The following DCDC1 variants were observed in gnomAD, a reference collection of about 807,000 sequenced individuals.
DCDC1 encodes the protein doublecortin domain-containing protein 1.
In DCDC1, 200 loss-of-function variants were observed where a neutral mutation model predicts 178.3. The observed-to-expected ratio is 1.12, with a 90% confidence interval of 1.00 to 1.26. The LOEUF (loss-of-function observed/expected upper bound fraction) is 1.26. Among genes scored for constraint, DCDC1 ranks in the 50% most tolerant of loss-of-function variants. The pLI, the probability that DCDC1 is intolerant of heterozygous loss-of-function variation, is 0.00. For missense variants in DCDC1, 1,983 were observed against 1,749.2 expected, an observed-to-expected ratio of 1.13 and a Z score of -2.38; for synonymous variants, 690 against 604.8, an observed-to-expected ratio of 1.14 and a Z score of -2.07.
chr11:31,258,243 T>A lies in DCDC1; in HGVS notation c.1054+7264A>T, dbSNP rs189982858. On this transcript the variant is annotated intron_variant, in intron 8 of 38. Transcript: ENST00000684477. ...GTTAGATGTTAGACTGTGGGAGAAA[T>A]ACATCCTGGGTAGGATTATTTAATT... 1.0e-3 allele frequency among the ~76,000 whole-genome samples: 155 copies of A among 152,236 alleles called. 2 individuals carry two copies. The East Asian group carries it at 0.024, about 24-fold the overall frequency.
chr11:30,866,072 CT>C (rs1940950557), intron 38 of DCDC1, among the ~76,000 whole-genome samples: 1 of 152,110 alleles, frequency 6.6e-6, no homozygotes, highest in Non-Finnish European at 1.5e-5. Flanking sequence ...GGGTGGGCCC[CT>C]AATCCAGTAT....
At chr11:31,295,645 G>A (rs1038107404) in intron 6 of DCDC1, among the ~76,000 whole-genome samples, 11 of 152,088 alleles carry the variant, frequency 7.2e-5, no homozygotes, top group Non-Finnish European at 1.5e-4. Flanking sequence ...TCAGACTGGG[G>A]GTAGATTTCC....
At chr11:31,102,539 G>T (rs1386967160) in intron 14 of DCDC1, among the ~76,000 whole-genome samples, 1 of 152,088 alleles carries the variant, frequency 6.6e-6, no homozygotes, top group Non-Finnish European at 1.5e-5. Context: ...GATCTCATCA[G>T]ACTGCTTTTG....
intron 20 of DCDC1, among the ~76,000 whole-genome samples, chr11:30,982,720 A>T (rs551938054): frequency 6.6e-5 from 10 of 151,666 alleles, no homozygotes; most frequent in Non-Finnish European, 1.2e-4. Flanking sequence ...GCTGCTGTGT[A>T]TTTATTTTTC....
In DCDC1 at chr11:31,077,922, A is replaced by C; in HGVS notation, c.2241T>G (p.His747Gln). 2.6e-6 allele frequency: 2 copies of C among 766,106 alleles called. No homozygotes were observed. The highest frequency in any genetic ancestry group is 4.8e-6 in the Non-Finnish European group (2 of 417,702). The allele number at this position is 766,106 out of a possible 1,614,324, so 47.5% of individuals were successfully genotyped here. Reference protein sequence around the residue: ...EGYKLILQKRHSGDDSQKWVF... With the variant: ...EGYKLILQKRQSGDDSQKWVF... The stretch of plus-strand genomic sequence containing the variant: ...CCCACTTCTGAGAGTCATCTCCACT[A>C]TGTCTGTAACGAAAATGTAATTTAG... Residue 747 changes from histidine to glutamine, a missense_variant, in exon 18 of 39, where the codon CAT becomes CAG. His to Gln is a conservative substitution (Grantham distance 24). Coordinates refer to ENST00000684477, the MANE Select transcript of DCDC1 (RefSeq NM_001387274.1).
At chr11:31,315,430 A>G (rs7928522) in intron 3 of DCDC1, among the ~76,000 whole-genome samples, 106,280 of 147,852 alleles carry the variant, frequency 0.72, 39,049 homozygotes, top group African/African-American at 0.9. Context: ...TCCACCTCCC[A>G]GGTTCACGCC....
At chr11:31,183,313 G>A (rs947641891) in intron 9 of DCDC1, among the ~76,000 whole-genome samples, 1 of 152,106 alleles carries the variant, frequency 6.6e-6, no homozygotes, top group South Asian at 2.1e-4. Context: ...AGCACCACGT[G>A]ACACTTATTC....
chr11:30,961,302 T>A (rs529729557), intron 20 of DCDC1, among the ~76,000 whole-genome samples: 3 of 152,202 alleles, frequency 2.0e-5, no homozygotes, highest in Admixed American at 6.6e-5. Flanking sequence ...AATAGTCTTT[T>A]TCATATTGTA....
At chr11:30,928,519 T>C (rs994658013) in intron 22 of DCDC1, among the ~76,000 whole-genome samples, 17 of 13,570 alleles carry the variant, frequency 1.3e-3, no homozygotes, top group African/African-American at 5.1e-3. Flanking sequence ...AAATATGTTT[T>C]TTAAATGAGA....
At chr11:31,007,432 G>A (rs939411363) in intron 20 of DCDC1, among the ~76,000 whole-genome samples, 15 of 152,168 alleles carry the variant, frequency 9.9e-5, no homozygotes, top group Admixed American at 2.0e-4. Flanking sequence ...TAACTGGTCC[G>A]TCAGTCCTAA....
intron 12 of DCDC1, 127 bp from the exon 13 acceptor site, chr11:31,107,087 A>G: frequency 1.7e-6 from 1 of 601,126 alleles, no homozygotes; most frequent in East Asian, 2.8e-5. Flanking sequence ...AAATTCATAT[A>G]GAATGTTAAA....
intron 9 of DCDC1, among the ~76,000 whole-genome samples, chr11:31,233,137 T>A (rs1976014948): frequency 6.6e-6 from 1 of 151,790 alleles, no homozygotes; most frequent in Non-Finnish European, 1.5e-5. Context: ...TCACAACAGC[T>A]CAATGAGGTA....
intron 1 of DCDC1, among the ~76,000 whole-genome samples, chr11:31,366,739 A>T (rs1951978091): frequency 6.6e-6 from 1 of 152,258 alleles, no homozygotes; most frequent in Non-Finnish European, 1.5e-5. Context: ...AGAAGGCTTT[A>T]ATCAGATGCT....
chr11:31,279,585 C>T (rs576470356), intron 7 of DCDC1, among the ~76,000 whole-genome samples: 2 of 152,214 alleles, frequency 1.3e-5, no homozygotes, highest in African/African-American at 4.8e-5. Context: ...GAGTTCATGT[C>T]CTTTGCAGGG....
At chr11:31,219,179 A>G (rs1269676617) in intron 9 of DCDC1, among the ~76,000 whole-genome samples, 1 of 152,192 alleles carries the variant, frequency 6.6e-6, no homozygotes, top group African/African-American at 2.4e-5. Flanking sequence ...CAGTTAAAAA[A>G]AAAAGTAAAA....
At chr11:31,055,715 G>C (rs1955541173) in intron 20 of DCDC1, among the ~76,000 whole-genome samples, 1 of 152,194 alleles carries the variant, frequency 6.6e-6, no homozygotes, top group African/African-American at 2.4e-5. Context: ...ACCTGGGTGA[G>C]ATTGGAGACT....
intron 20 of DCDC1, among the ~76,000 whole-genome samples, chr11:31,001,020 G>A (rs1257365612): frequency 6.6e-6 from 1 of 151,976 alleles, no homozygotes; most frequent in Non-Finnish European, 1.5e-5. Flanking sequence ...GATGGTTCTT[G>A]CTTGAGTCAA....
intron 20 of DCDC1, among the ~76,000 whole-genome samples, chr11:30,979,483 T>C (rs1462330847): frequency 6.6e-6 from 1 of 152,178 alleles, no homozygotes; most frequent in East Asian, 1.9e-4. Context: ...GTCCCATGCA[T>C]CTTATCTATG....
chr11:31,158,564 T>C (rs1301588969), intron 9 of DCDC1, among the ~76,000 whole-genome samples: 2 of 152,218 alleles, frequency 1.3e-5, no homozygotes, highest in African/African-American at 4.8e-5. Flanking sequence ...ATCACTCTAC[T>C]CTCTGCTTCT....
Sources: gnomAD v4.1 joint callset for allele counts (sites outside exome capture counted in the v4.1 genomes callset) on GRCh38, gnomAD v4.1.1 for gene constraint, MANE v1.5 for transcripts, NCBI Gene and HGNC (gene_info 2026-07-23, HGNC 2026-07-21) for gene names.